The following MALRD1 variants were observed in gnomAD, a reference collection of about 807,000 sequenced individuals.
MALRD1 encodes the protein MAM and LDL-receptor class A domain-containing protein 1.
MALRD1 carries 247 observed loss-of-function variants against 242.1 expected under a neutral mutation model. That is an observed-to-expected ratio of 1.02 (90% confidence interval 0.92 to 1.13). The LOEUF (loss-of-function observed/expected upper bound fraction) is 1.13, where lower values mean the gene tolerates loss of function less well. Among genes scored for constraint, MALRD1 ranks in the 50% most tolerant of loss-of-function variants. The pLI is 0.00. For missense variants in MALRD1, 2,989 were observed against 2,533.1 expected (o/e 1.18, Z -3.86); for synonymous variants, 995 against 866.6 (o/e 1.15, Z -2.60).
chr10:19,472,425 G>T (rs1309218263), intron 29 of MALRD1, among the ~76,000 whole-genome samples: 1 of 151,922 alleles, frequency 6.6e-6, no homozygotes, highest in Non-Finnish European at 1.5e-5. Flanking sequence ...AATGAACTTG[G>T]AAGTATTTCC....
chr10:19,576,529 T>C (rs528439059), intron 33 of MALRD1, among the ~76,000 whole-genome samples: 1 of 152,154 alleles, frequency 6.6e-6, no homozygotes, highest in Non-Finnish European at 1.5e-5. Context: ...ATACATAAAT[T>C]CATACAAGTT....
At chr10:19,194,153 CTA>C (rs1259318800) in intron 14 of MALRD1, among the ~76,000 whole-genome samples, 1 of 152,092 alleles carries the variant, frequency 6.6e-6, no homozygotes, top group Non-Finnish European at 1.5e-5. Flanking sequence ...CATGAGCTGA[CTA>C]ATACAATTTC....
intron 36 of MALRD1, among the ~76,000 whole-genome samples, chr10:19,657,703 A>G (rs1358932637): frequency 1.3e-5 from 2 of 152,332 alleles, no homozygotes; most frequent in African/African-American, 4.8e-5. Flanking sequence ...ACAACCAATT[A>G]TACTCTGTTA....
intron 26 of MALRD1, among the ~76,000 whole-genome samples, chr10:19,374,107 C>T (rs1845500000): frequency 6.6e-6 from 1 of 152,144 alleles, no homozygotes; most frequent in Non-Finnish European, 1.5e-5. Context: ...TATGTGCATA[C>T]ATTAGCTACT....
At chr10:19,569,281 T>G (rs1836397939) in intron 33 of MALRD1, among the ~76,000 whole-genome samples, 1 of 152,060 alleles carries the variant, frequency 6.6e-6, no homozygotes, top group African/African-American at 2.4e-5. Context: ...GTTTCTCATT[T>G]CCTGGCACCA....
chr10:19,421,229 A>T (rs989514315), intron 28 of MALRD1, among the ~76,000 whole-genome samples: 3 of 152,142 alleles, frequency 2.0e-5, no homozygotes, highest in Non-Finnish European at 4.4e-5. Context: ...GTATGTGTGC[A>T]TGTTTGTGCA....
At chr10:19,500,365 A>G (rs1057056379) in intron 31 of MALRD1, among the ~76,000 whole-genome samples, 1 of 152,240 alleles carries the variant, frequency 6.6e-6, no homozygotes, top group Non-Finnish European at 1.5e-5. Context: ...GATTTAGTGT[A>G]TAACAAAGGT....
intron 19 of MALRD1, among the ~76,000 whole-genome samples, chr10:19,275,276 G>A (rs1442315754): frequency 6.6e-6 from 1 of 152,160 alleles, no homozygotes; most frequent in Non-Finnish European, 1.5e-5. Context: ...AAGCAGTTCA[G>A]TCGATGTCTT....
chr10:19,548,981 A>T (rs916726430), intron 32 of MALRD1, among the ~76,000 whole-genome samples: 1 of 152,322 alleles, frequency 6.6e-6, no homozygotes, highest in African/African-American at 2.4e-5. Flanking sequence ...AAGGAAGTTA[A>T]AAGTGCTACT....
intron 36 of MALRD1, among the ~76,000 whole-genome samples, chr10:19,621,845 A>G (rs1418612131): frequency 6.6e-6 from 1 of 151,868 alleles, no homozygotes; most frequent in East Asian, 1.9e-4. Context: ...AAAGAACCAA[A>G]TAACACAAGA....
At position 19,476,300 on chromosome 10, in the gene MALRD1, T is replaced by C. The variant is rs1266445104; in HGVS notation, c.5030-15217T>C. Among the ~76,000 whole-genome samples the C allele has an allele frequency of 2.6e-5, 4 of 152,186 alleles. No homozygotes were observed. The East Asian group carries it at 7.7e-4, about 29-fold the overall frequency. ...GTCCCAAATGGAATAGTCCTGTTAT[T>C]CTGTCTTTGATCAGTTGTCTATCCT... On this transcript the variant is annotated intron_variant, in intron 29 of 39. Coordinates refer to ENST00000454679, the MANE Select transcript of MALRD1 (RefSeq NM_001142308.3).
chr10:19,578,573 T>A (rs914469921), intron 33 of MALRD1, among the ~76,000 whole-genome samples: 1 of 152,072 alleles, frequency 6.6e-6, no homozygotes, highest in Non-Finnish European at 1.5e-5. Flanking sequence ...ATGCCTGTAA[T>A]CTCAACTACT....
chr10:19,627,069 A>T (rs1388569281), intron 36 of MALRD1, among the ~76,000 whole-genome samples: 1 of 152,166 alleles, frequency 6.6e-6, no homozygotes, highest in African/African-American at 2.4e-5. Flanking sequence ...TAAAATTAGT[A>T]TAAAATAGGT....
intron 12 of MALRD1, among the ~76,000 whole-genome samples, chr10:19,163,929 T>G (rs745593149): frequency 3.3e-4 from 51 of 152,318 alleles, no homozygotes; most frequent in Non-Finnish European, 6.3e-4. Flanking sequence ...GAGTGACAGT[T>G]TGACAGCTCA....
At chr10:19,050,052 T>C (rs1564360872) in intron 1 of MALRD1, among the ~76,000 whole-genome samples, 2 of 151,850 alleles carry the variant, frequency 1.3e-5, no homozygotes, top group South Asian at 2.1e-4. Flanking sequence ...AATTCTATTA[T>C]TGTAGGTCAC....
At chr10:19,155,871 C>A (rs1431186161) in intron 12 of MALRD1, among the ~76,000 whole-genome samples, 1 of 152,242 alleles carries the variant, frequency 6.6e-6, no homozygotes, top group African/African-American at 2.4e-5. Context: ...AGTAGGTAAA[C>A]AATGTTTGTA....
At chr10:19,342,318 A>G (rs1411744598) in intron 24 of MALRD1, among the ~76,000 whole-genome samples, 2 of 152,170 alleles carry the variant, frequency 1.3e-5, no homozygotes, top group African/African-American at 4.8e-5. Flanking sequence ...CTAAGGAAGC[A>G]TCTTATAATT....
At chr10:19,368,919 G>GTGTA (rs1226791897) in intron 26 of MALRD1, among the ~76,000 whole-genome samples, 1 of 132,586 alleles carries the variant, frequency 7.5e-6, no homozygotes, top group Non-Finnish European at 1.6e-5. Context: ...GTGTGTGTGT[G>GTGTA]TGTATGTAAT....
chr10:19,664,004 C>T (rs2131740270), intron 36 of MALRD1, among the ~76,000 whole-genome samples: 2 of 152,044 alleles, frequency 1.3e-5, no homozygotes, highest in Middle Eastern at 3.4e-3. Context: ...AAAAGGCAAA[C>T]AAACAAGCAA....
Sources: allele counts gnomAD v4.1 joint callset (sites outside exome capture counted in the v4.1 genomes callset), GRCh38; gene constraint gnomAD v4.1.1; transcripts MANE v1.5; gene names NCBI Gene and HGNC (gene_info 2026-07-23, HGNC 2026-07-21).